The following ARID2 variants were observed in gnomAD, a reference collection of about 807,000 sequenced individuals.
The protein encoded by ARID2 is AT-rich interactive domain-containing protein 2.
ARID2 carries 32 observed loss-of-function variants against 184.6 expected under a neutral mutation model. The observed-to-expected ratio is 0.17, with a 90% CI of 0.13 to 0.23. The LOEUF (loss-of-function observed/expected upper bound fraction) is 0.23. ARID2 is among the 10% of genes least tolerant of loss of function. The pLI is 1.00. For missense variants in ARID2, 1,696 were observed against 2,197.6 expected, an observed-to-expected ratio of 0.77 and a Z score of 4.56; for synonymous variants, 836 against 772.6, an observed-to-expected ratio of 1.08 and a Z score of -1.36.
rs78050084 is a variant in ARID2, at chr12:45,740,850, T to C, written c.284+9536T>C. Among the ~76,000 whole-genome samples, 44 of 152,304 alleles carry C rather than the reference T, an allele frequency of 2.9e-4. No homozygotes were observed. The East Asian group carries it at 8.1e-3, about 28-fold the overall frequency. ...AAGTACTATAAAGTTTGGAGTTGTC[T>C]AATATTTTTTCAGGATTTAAGTTAG... On this transcript the variant is annotated intron_variant, in intron 3 of 20. Transcript: ENST00000334344.
intron 16 of ARID2, among the ~76,000 whole-genome samples, chr12:45,861,580 CTTTTTTT>C (rs11303020): frequency 2.1e-5 from 2 of 97,006 alleles, no homozygotes; most frequent in Non-Finnish European, 3.9e-5. Flanking sequence ...AGGCATTTGT[CTTTTTTT>C]TTTTTTTTTT....
chr12:45,741,426 G>T (rs1941254554), intron 3 of ARID2, among the ~76,000 whole-genome samples: 1 of 152,098 alleles, frequency 6.6e-6, no homozygotes, highest in African/African-American at 2.4e-5. Context: ...TCAAACTTCT[G>T]GGCTTAAGCA....
In ARID2 at chr12:45,850,453, C is replaced by G. The variant is rs2138162111; in HGVS notation, c.2330C>G (p.Thr777Arg). 6.2e-7 allele frequency: 1 copy of G among 1,614,038 alleles called. No homozygotes were observed. Among genetic ancestry groups the G allele is most frequent in the South Asian group, 1.1e-5 (1 of 91,080 alleles). Residue 777 changes from threonine (T) to arginine (R), a missense_variant, in exon 15 of 21, where the codon ACA becomes AGA. By Grantham distance (71) the Thr-to-Arg change is moderately conservative. Transcript: ENST00000334344. ...ATTCCACAGCAGTCTCCATTACACA[C>G]AGTGGTACCAGGACAGATCCCTTCA... ...SVIPQQSPLH[T>R]VVPGQIPSGT...
At chr12:45,884,563 T>C (rs1944156674) in intron 16 of ARID2, among the ~76,000 whole-genome samples, 2 of 152,214 alleles carry the variant, frequency 1.3e-5, no homozygotes, top group Non-Finnish European at 2.9e-5. Flanking sequence ...TAATTCACTT[T>C]TATATTTTAC....
intron 8 of ARID2, 111 bp downstream of exon 8, chr12:45,837,102 A>T: frequency 1.5e-6 from 2 of 1,372,002 alleles, no homozygotes; most frequent in Non-Finnish European, 2.0e-6. Flanking sequence ...TTAAATGCTT[A>T]CATGTATTAG....
chr12:45,766,670 C>T (rs1420407654), intron 3 of ARID2, among the ~76,000 whole-genome samples: 1 of 151,984 alleles, frequency 6.6e-6, no homozygotes, highest in African/African-American at 2.4e-5. Flanking sequence ...CCCACCACCA[C>T]ACCTGGCTAA....
intron 16 of ARID2, among the ~76,000 whole-genome samples, chr12:45,874,788 T>C (rs763179630): frequency 4.0e-4 from 61 of 152,170 alleles, no homozygotes; most frequent in Non-Finnish European, 6.8e-4. Flanking sequence ...GATCTATCCA[T>C]GGAATTACTA....
intron 16 of ARID2, 116 bp from the exon 17 acceptor site, chr12:45,891,664 A>G (rs535815999): frequency 2.5e-5 from 28 of 1,141,534 alleles, no homozygotes; most frequent in Non-Finnish European, 3.3e-5. Flanking sequence ...ACAATTTACC[A>G]AAAGTGTTCA....
chr12:45,830,858 C>A (rs943704225), intron 6 of ARID2, among the ~76,000 whole-genome samples: 2 of 152,088 alleles, frequency 1.3e-5, no homozygotes, highest in South Asian at 4.1e-4. Context: ...GAGTTTGAGA[C>A]CAGCCTGGCC....
chr12:45,896,396 TTCC>T (rs1944368127), intron 20 of ARID2, among the ~76,000 whole-genome samples: 1 of 152,164 alleles, frequency 6.6e-6, no homozygotes, highest in Non-Finnish European at 1.5e-5. Flanking sequence ...TCCTCTTGAA[TTCC>T]CACATGTTGT....
intron 14 of ARID2, 41 bp from the exon 15 acceptor site, chr12:45,849,995 T>C (rs776933380): frequency 1.3e-6 from 2 of 1,547,344 alleles, no homozygotes; most frequent in Non-Finnish European, 8.7e-7. Flanking sequence ...GGATTTTCAG[T>C]CATTTCATTT....
intron 5 of ARID2, among the ~76,000 whole-genome samples, chr12:45,819,342 C>T (rs945137909): frequency 5.3e-5 from 8 of 151,962 alleles, no homozygotes; most frequent in Admixed American, 1.3e-4. Context: ...AATGCAAAAC[C>T]GCATTAATTT....
intron 3 of ARID2, among the ~76,000 whole-genome samples, chr12:45,736,354 C>T (rs529861200): frequency 2.8e-5 from 4 of 142,342 alleles, no homozygotes; most frequent in African/African-American, 1.1e-4. Context: ...GAGACTCCGT[C>T]TGAAAAAAAA....
intron 3 of ARID2, among the ~76,000 whole-genome samples, chr12:45,810,992 G>A (rs1319327540): frequency 6.6e-6 from 1 of 151,944 alleles, no homozygotes; most frequent in Admixed American, 6.6e-5. Context: ...GGTGGGTCAC[G>A]AGGTCAGGAA....
In ARID2 at chr12:45,761,370, A is replaced by T. The variant is rs917988692; in HGVS notation, c.284+30056A>T. 4.6e-5 allele frequency among the ~76,000 whole-genome samples: 7 copies of T among 152,122 alleles called. No homozygotes were observed. The East Asian group carries it at 1.3e-3, about 29-fold the overall frequency. On this transcript the variant is annotated intron_variant, in intron 3 of 20. Transcript: ENST00000334344. The stretch of plus-strand genomic sequence containing the variant: ...CTGGATATATTTCTTTTTTGACTAG[A>T]TTACATTTTTCAAATGTTCTTTGAA...
intron 3 of ARID2, among the ~76,000 whole-genome samples, chr12:45,796,629 T>G (rs1367114609): frequency 2.6e-5 from 4 of 152,238 alleles, no homozygotes; most frequent in African/African-American, 9.6e-5. Flanking sequence ...TTCGCCTGCT[T>G]TAGTCTCCAG....
At position 45,801,334 on chromosome 12, in the gene ARID2, T is replaced by G. The variant is rs58544881; in HGVS notation, c.285-10084T>G. ...CTCAAAAAAAGAAAAAAAAAAAAAG[T>G]AAAAAAAGAAAAATTACTTTCACAG... On this transcript the variant is annotated intron_variant, in intron 3 of 20. Transcript: ENST00000334344. Among the ~76,000 whole-genome samples, 814 of 112,492 alleles carry G rather than the reference T, an allele frequency of 7.2e-3. 7 individuals are homozygous for G. Among genetic ancestry groups the G allele is most frequent in the African/African-American group, 0.021 (773 of 36,246 alleles). 73.8% of individuals were successfully genotyped at this position (112,492 alleles called of 152,430 possible). A position where few individuals can be genotyped will look rare whatever the true frequency, so the allele number is the denominator to read the frequency against.
chr12:45,809,292 T>A (rs1380108930), intron 3 of ARID2, among the ~76,000 whole-genome samples: 2 of 152,208 alleles, frequency 1.3e-5, no homozygotes, highest in Non-Finnish European at 2.9e-5. Context: ...ATCCAAGTGA[T>A]TTTGTGTGAC....
chr12:45,827,718 C>T (rs542724861), intron 6 of ARID2, among the ~76,000 whole-genome samples: 12 of 151,974 alleles, frequency 7.9e-5, no homozygotes, highest in African/African-American at 2.7e-4. Context: ...AATAGGTGAC[C>T]AGCACTGCAG....
Sources: allele counts gnomAD v4.1 joint callset (sites outside exome capture counted in the v4.1 genomes callset), GRCh38; gene constraint gnomAD v4.1.1; transcripts MANE v1.5; gene names NCBI Gene and HGNC (gene_info 2026-07-23, HGNC 2026-07-21).